DNAJC3: variants seen among roughly 807,000 people sequenced by gnomAD.
The protein encoded by DNAJC3 is dnaJ homolog subfamily C member 3.
DNAJC3 carries 38 observed loss-of-function variants against 68.6 expected under a neutral mutation model. That is an observed-to-expected ratio of 0.55 (90% CI 0.43 to 0.73). DNAJC3 has a LOEUF of 0.73. DNAJC3 is among the 30% of genes least tolerant of loss of function. The probability of loss-of-function intolerance (pLI) is 0.00; values close to 1 mark genes in which losing one functional copy is unlikely to be tolerated. For synonymous variants in DNAJC3, 203 were observed against 204.0 expected, an observed-to-expected ratio of 1.00 and a Z score of 0.04; for missense variants, 526 against 591.9, an observed-to-expected ratio of 0.89 and a Z score of 1.16.
intron 11 of DNAJC3, among the ~76,000 whole-genome samples, chr13:95,789,899 CAT>C (rs1187317918): frequency 5.3e-5 from 8 of 152,016 alleles, no homozygotes; most frequent in Non-Finnish European, 1.0e-4. Context: ...AGCTTTTTTT[CAT>C]ATGATTGTTG....
chr13:95,754,669 T>C (rs1882596438), intron 4 of DNAJC3, among the ~76,000 whole-genome samples: 1 of 152,106 alleles, frequency 6.6e-6, no homozygotes, highest in Admixed American at 6.6e-5. Flanking sequence ...CTGTCTCTAC[T>C]GAAAACAGAA....
intron 4 of DNAJC3, among the ~76,000 whole-genome samples, chr13:95,750,722 G>T (rs1267024371): frequency 2.6e-5 from 4 of 151,842 alleles, no homozygotes; most frequent in Non-Finnish European, 5.9e-5. Flanking sequence ...TGTTGGCCAG[G>T]CTGGTCTCAA....
intron 1 of DNAJC3, among the ~76,000 whole-genome samples, chr13:95,698,489 C>G (rs1206764962): frequency 2.6e-5 from 4 of 152,180 alleles, no homozygotes; most frequent in African/African-American, 7.2e-5. Flanking sequence ...TGGTTGAGGT[C>G]TCTGCTGCAT....
In DNAJC3 at chr13:95,747,062, T is replaced by C. The variant is rs183530560; in HGVS notation, c.394-10582T>C. Among the ~76,000 whole-genome samples the C allele has an allele frequency of 8.9e-4, 136 of 152,304 alleles. 1 individual carries two copies. The highest frequency in any genetic ancestry group is 1.7e-3 in the Non-Finnish European group (117 of 68,028). On this transcript the variant is annotated intron_variant, in intron 4 of 11. Coordinates refer to ENST00000602402, the MANE Select transcript of DNAJC3 (RefSeq NM_006260.5). ...GGCAGTTTTCCATGAGATCCAAATA[T>C]AAAAAAGCAACGATAAATTTAAATA...
intron 1 of DNAJC3, among the ~76,000 whole-genome samples, chr13:95,680,351 T>C (rs1265183041): frequency 6.6e-6 from 1 of 152,240 alleles, no homozygotes; most frequent in African/African-American, 2.4e-5. Flanking sequence ...AAATATATAG[T>C]TGAAAATCTA....
At chr13:95,733,314 C>T (rs1881774969) in intron 4 of DNAJC3, among the ~76,000 whole-genome samples, 1 of 152,050 alleles carries the variant, frequency 6.6e-6, no homozygotes, top group Non-Finnish European at 1.5e-5. Context: ...GTGGGTGCTC[C>T]AGTGTTGGGT....
At chr13:95,697,417 C>A (rs1880470776) in intron 1 of DNAJC3, among the ~76,000 whole-genome samples, 5 of 152,086 alleles carry the variant, frequency 3.3e-5, no homozygotes, top group Admixed American at 3.3e-4. Flanking sequence ...GATGGGATTC[C>A]CTTTGTCAAT....
chr13:95,723,554 G>A (rs924801203), intron 3 of DNAJC3, among the ~76,000 whole-genome samples, 188 bp downstream of exon 3: 2 of 152,170 alleles, frequency 1.3e-5, no homozygotes, highest in Non-Finnish European at 2.9e-5. Context: ...AAAGAGAACA[G>A]CGGGTACATT....
chr13:95,724,439 A>G (rs1881440304), intron 3 of DNAJC3, among the ~76,000 whole-genome samples: 1 of 152,242 alleles, frequency 6.6e-6, no homozygotes, highest in South Asian at 2.1e-4. Context: ...AAACTGGTGC[A>G]TGTTAGAAGG....
intron 1 of DNAJC3, among the ~76,000 whole-genome samples, chr13:95,686,489 G>A (rs779707720): frequency 2.6e-5 from 4 of 152,124 alleles, no homozygotes; most frequent in Non-Finnish European, 2.9e-5. Context: ...TGGGGTCTTC[G>A]TCATAAGTTG....
chr13:95,725,878 C>T (rs12385874), intron 4 of DNAJC3, among the ~76,000 whole-genome samples: 4 of 139,656 alleles, frequency 2.9e-5, no homozygotes, highest in African/African-American at 5.3e-5. Flanking sequence ...CCTGTGTCCA[C>T]GTGTTCTCAT....
chr13:95,720,484 C>T (rs949132086), intron 2 of DNAJC3, among the ~76,000 whole-genome samples: 2 of 152,086 alleles, frequency 1.3e-5, no homozygotes, highest in African/African-American at 4.8e-5. Context: ...CTGTCTGGTG[C>T]GTCACTTAAA....
intron 9 of DNAJC3, among the ~76,000 whole-genome samples, chr13:95,769,063 G>A (rs951263187): frequency 3.3e-5 from 5 of 151,338 alleles, no homozygotes; most frequent in Admixed American, 3.3e-4. Flanking sequence ...TCCCACCTCT[G>A]CATCAGCAGT....
chr13:95,703,252 G>A (rs1422724628), intron 1 of DNAJC3, among the ~76,000 whole-genome samples: 4 of 152,170 alleles, frequency 2.6e-5, no homozygotes, highest in African/African-American at 7.2e-5. Flanking sequence ...TACAGCTAAT[G>A]GCAGTGTCTT....
At chr13:95,692,092 G>A (rs930262054) in intron 1 of DNAJC3, among the ~76,000 whole-genome samples, 3 of 146,922 alleles carry the variant, frequency 2.0e-5, no homozygotes, top group Admixed American at 1.3e-4. Flanking sequence ...GAGGGAGACC[G>A]TGGAAAGAGA....
chr13:95,759,229 C>T (rs549770202), intron 5 of DNAJC3, among the ~76,000 whole-genome samples: 40 of 152,232 alleles, frequency 2.6e-4, no homozygotes, highest in South Asian at 1.5e-3. Flanking sequence ...TGCCCTCTCA[C>T]GGTATTTTTT....
chr13:95,679,230 A>G (rs189681831), intron 1 of DNAJC3, among the ~76,000 whole-genome samples: 14 of 139,302 alleles, frequency 1.0e-4, no homozygotes, highest in Admixed American at 9.2e-4. Flanking sequence ...TGTAATTAAC[A>G]AGAAGGTTAT....
intron 2 of DNAJC3, among the ~76,000 whole-genome samples, chr13:95,722,815 G>GCCCCCCCCC (rs759729876): frequency 2.0e-4 from 3 of 15,336 alleles, no homozygotes; most frequent in African/African-American, 3.9e-4. Context: ...CACCTTGTCC[G>GCCCCCCCCC]CCCCCCCCCC....
intron 11 of DNAJC3, among the ~76,000 whole-genome samples, chr13:95,787,391 C>G (rs965783573): frequency 6.6e-6 from 1 of 152,170 alleles, no homozygotes; most frequent in Non-Finnish European, 1.5e-5. Flanking sequence ...GAATTTGAAT[C>G]TTTTTTCTAC....
Sources: allele counts gnomAD v4.1 joint callset (sites outside exome capture counted in the v4.1 genomes callset), GRCh38; gene constraint gnomAD v4.1.1; transcripts MANE v1.5; gene names NCBI Gene and HGNC (gene_info 2026-07-23, HGNC 2026-07-21).